The following GOLGB1 variants were observed in gnomAD, a reference collection of about 807,000 sequenced individuals.
GOLGB1 encodes golgin subfamily B member 1.
In GOLGB1, 174 loss-of-function variants were observed where a neutral mutation model predicts 336.9. The observed-to-expected ratio is 0.52, with a 90% CI of 0.46 to 0.59. The LOEUF (loss-of-function observed/expected upper bound fraction) is 0.59. Ranked by LOEUF, GOLGB1 falls within the 20% of genes least tolerant of loss-of-function variation. The pLI is 0.00. For missense variants in GOLGB1, 3,331 were observed against 3,645.3 expected, an observed-to-expected ratio of 0.91 and a Z score of 2.22; for synonymous variants, 1,208 against 1,289.2, an observed-to-expected ratio of 0.94 and a Z score of 1.35.
chr3:121,735,506 G>A (rs1000617430), intron 1 of GOLGB1, among the ~76,000 whole-genome samples: 1 of 152,152 alleles, frequency 6.6e-6, no homozygotes. Context: ...CTTTCTCACA[G>A]TGGTATGGGT....
At chr3:121,743,861 C>A (rs930261235) in intron 1 of GOLGB1, among the ~76,000 whole-genome samples, 1 of 150,856 alleles carries the variant, frequency 6.6e-6, no homozygotes, top group African/African-American at 2.5e-5. Flanking sequence ...ATACTGATGA[C>A]AACATTCTAA....
In GOLGB1 at chr3:121,696,287, G is replaced by T; in HGVS notation, c.4236C>A (p.Asp1412Glu). 1.9e-6 allele frequency: 3 copies of T among 1,613,964 alleles called. No homozygotes were observed. Among genetic ancestry groups the T allele is most frequent in the Non-Finnish European group, 2.5e-6 (3 of 1,179,954 alleles). Residue 1412 changes from aspartate (D) to glutamate (E), a missense_variant, in exon 13 of 22, where the codon GAC becomes GAA. Asp to Glu is a conservative substitution (Grantham distance 45). Transcript: ENST00000614479. Reference sequence around the variant, plus strand: ...TAAGTTGTCCAGAAAGGTAGCTAACGTCTTCTTCCTTTTTGCTTATGAGTT... The same window carrying T: ...TAAGTTGTCCAGAAAGGTAGCTAACTTCTTCTTCCTTTTTGCTTATGAGTT... ...LQKLISKKEEDVSYLSGQLSE... is the reference protein window; with the variant it reads ...LQKLISKKEEEVSYLSGQLSE...
chr3:121,713,853 A>C (rs1156348662), intron 10 of GOLGB1, among the ~76,000 whole-genome samples: 1 of 152,204 alleles, frequency 6.6e-6, no homozygotes, highest in East Asian at 1.9e-4. Context: ...TTAGAGAGAA[A>C]TGTACTGATG....
chr3:121,746,493 T>A (rs1351807193), intron 1 of GOLGB1, among the ~76,000 whole-genome samples: 1 of 151,878 alleles, frequency 6.6e-6, no homozygotes, highest in Non-Finnish European at 1.5e-5. Context: ...TTAATGTTAT[T>A]TATTTTGAGA....
At chr3:121,731,918 A>C (rs1560319153) in intron 1 of GOLGB1, among the ~76,000 whole-genome samples, 1 of 152,184 alleles carries the variant, frequency 6.6e-6, no homozygotes, top group Non-Finnish European at 1.5e-5. Flanking sequence ...AAATTGATAA[A>C]ACTCTAGTCA....
chr3:121,667,924 C>A, intron 19 of GOLGB1, 137 bp downstream of exon 19: 1 of 572,196 alleles, frequency 1.7e-6, no homozygotes, highest in South Asian at 2.7e-5. Flanking sequence ...ACTATTTGAT[C>A]CTCACATCAC....
rs746649684 is a variant in GOLGB1 at position 121,683,053 on chromosome 3, A to ATTTTTTTTTTTTTTTTTTTTTTTTTT, written c.8695-1214_8695-1189dup. Among the ~76,000 whole-genome samples, 67 of 82,496 alleles carry ATTTTTTTTTTTTTTTTTTTTTTTTTT rather than the reference A, an allele frequency of 8.1e-4. 7 individuals are homozygous for ATTTTTTTTTTTTTTTTTTTTTTTTTT. Among genetic ancestry groups the ATTTTTTTTTTTTTTTTTTTTTTTTTT allele is most frequent in the Non-Finnish European group, 1.3e-3 (52 of 41,532 alleles). 54.1% of individuals were successfully genotyped at this position (82,496 alleles called of 152,430 possible). ...GCTGCTTAAGAAGCAATTTCTTTTA[A>ATTTTTTTTTTTTTTTTTTTTTTTTTT]TTTTTTTTTTTTTTTTTTTTTTTTT... is the stretch of plus-strand genomic sequence containing the variant. On this transcript the variant is annotated intron_variant, in intron 14 of 21. Coordinates refer to ENST00000614479, the MANE Select transcript of GOLGB1 (RefSeq NM_001366282.2).
intron 14 of GOLGB1, among the ~76,000 whole-genome samples, chr3:121,690,015 T>C (rs867392814): frequency 2.0e-4 from 30 of 152,332 alleles, no homozygotes; most frequent in Middle Eastern, 3.4e-3. Context: ...TACTAAAAGC[T>C]GTCAAATGTC....
At position 121,681,778 on chromosome 3, in the gene GOLGB1, C is replaced by T; in HGVS notation, c.8782G>A (p.Glu2928Lys). 1 of 1,603,744 alleles carries T rather than the reference C, an allele frequency of 6.2e-7. No homozygotes were observed. Among genetic ancestry groups the T allele is most frequent in the Non-Finnish European group, 8.5e-7 (1 of 1,170,636 alleles). Residue 2928 changes from glutamate to lysine, a missense_variant, in exon 15 of 22, where the codon GAG becomes AAG. Glu to Lys is a moderately conservative substitution (Grantham distance 56). Transcript: ENST00000614479. ...ELHPLKAQLQ[E>K]YQDKTKAFQI... ...AATGCTTTTGTCTTATCTTGATACT[C>T]CTGAAGTTGAGCCTTCAGTGGATGT...
At chr3:121,728,533 C>A (rs1255110396) in intron 4 of GOLGB1, among the ~76,000 whole-genome samples, 3 of 152,182 alleles carry the variant, frequency 2.0e-5, no homozygotes, top group Non-Finnish European at 4.4e-5. Context: ...AAATAGCTGA[C>A]TGAATGTGAA....
chr3:121,675,051 T>G (rs1484538079), intron 17 of GOLGB1, among the ~76,000 whole-genome samples: 2 of 151,636 alleles, frequency 1.3e-5, no homozygotes, highest in East Asian at 1.9e-4. Context: ...TTAGCCAGGA[T>G]GGTCTCGATC....
At chr3:121,736,281 GA>G in intron 1 of GOLGB1, among the ~76,000 whole-genome samples, 1 of 152,118 alleles carries the variant, frequency 6.6e-6, no homozygotes. Context: ...AATAGAATAT[GA>G]AAAAAGAAAA....
At chr3:121,676,852 G>A in intron 17 of GOLGB1, 41 bp downstream of exon 17, 1 of 1,591,538 alleles carries the variant, frequency 6.3e-7, no homozygotes, top group South Asian at 1.1e-5. Context: ...TCCAGTCATG[G>A]AAAAAAGAAA....
intron 17 of GOLGB1, among the ~76,000 whole-genome samples, chr3:121,669,629 A>T (rs764707882): frequency 2.0e-5 from 3 of 152,128 alleles, no homozygotes; most frequent in South Asian, 2.1e-4. Context: ...AAAAACCATG[A>T]AGCAGAAGTC....
At chr3:121,727,305 TATATATATATATA>T in intron 4 of GOLGB1, among the ~76,000 whole-genome samples, 1 of 30,550 alleles carries the variant, frequency 3.3e-5, no homozygotes, top group Non-Finnish European at 9.6e-5. Context: ...TATATATATA[TATATATATATATA>T]TATTTTTTTT....
chr3:121,680,236 T>A (rs886566543), intron 15 of GOLGB1, among the ~76,000 whole-genome samples: 3 of 152,224 alleles, frequency 2.0e-5, no homozygotes, highest in Non-Finnish European at 4.4e-5. Context: ...CAGTGAAGCC[T>A]GCTAACACAG....
chr3:121,714,316 T>C (rs941371172), intron 10 of GOLGB1, among the ~76,000 whole-genome samples: 1 of 152,230 alleles, frequency 6.6e-6, no homozygotes, highest in Admixed American at 6.5e-5. Flanking sequence ...TCAATCAGCC[T>C]GAATCAGCCT....
chr3:121,734,625 A>T (rs1946359796), intron 1 of GOLGB1, among the ~76,000 whole-genome samples: 1 of 152,234 alleles, frequency 6.6e-6, no homozygotes, highest in African/African-American at 2.4e-5. Flanking sequence ...TTAATCTGGC[A>T]TTAGGAAAAT....
In GOLGB1 at chr3:121,663,636, T is replaced by G. The variant is rs1938207730; in HGVS notation, c.*844A>C. 6.6e-6 allele frequency: 1 copy of G among 152,150 alleles called. No individual in the cohort carries two copies. Among genetic ancestry groups the G allele is most frequent in the African/African-American group, 2.4e-5 (1 of 41,424 alleles). The allele number at this position is 152,150 out of a possible 1,614,324, so 9.4% of individuals were successfully genotyped here. ...AGACTCCTGGCTGAGAGTCAATGCCTAATATTGGCTCCCAGTGGCCCCTGA... is the reference window on the plus strand; with the variant it reads ...AGACTCCTGGCTGAGAGTCAATGCCGAATATTGGCTCCCAGTGGCCCCTGA... On this transcript the variant is annotated 3_prime_UTR_variant, in exon 22 of 22. Transcript: ENST00000614479.
Sources: gnomAD v4.1 joint callset for allele counts (sites outside exome capture counted in the v4.1 genomes callset) on GRCh38, gnomAD v4.1.1 for gene constraint, MANE v1.5 for transcripts, NCBI Gene and HGNC (gene_info 2026-07-23, HGNC 2026-07-21) for gene names.